CPPED1: variants seen among roughly 807,000 people sequenced by gnomAD.
CPPED1 encodes the protein serine/threonine-protein phosphatase CPPED1.
In CPPED1, 28 loss-of-function variants were observed where a neutral mutation model predicts 28.0. The ratio of observed to expected loss-of-function variants is 1.00; its 90% confidence interval spans 0.74 to 1.37. CPPED1 has a LOEUF of 1.37. Among genes scored for constraint, CPPED1 ranks in the 40% most tolerant of loss-of-function variants. The pLI, the probability that CPPED1 is intolerant of heterozygous loss-of-function variation, is 0.00. For synonymous variants in CPPED1, 198 were observed against 180.2 expected (o/e 1.10, Z -0.79); for missense variants, 504 against 416.5 (o/e 1.21, Z -1.83).
At chr16:12,790,659 G>A (rs1023485715) in intron 1 of CPPED1, among the ~76,000 whole-genome samples, 3 of 152,082 alleles carry the variant, frequency 2.0e-5, no homozygotes, top group African/African-American at 4.8e-5. Flanking sequence ...GGTGGCTCAC[G>A]CCTGTAATCC....
chr16:12,688,009 G>C (rs1048281107), intron 3 of CPPED1, among the ~76,000 whole-genome samples: 2 of 151,800 alleles, frequency 1.3e-5, no homozygotes, highest in African/African-American at 4.8e-5. Context: ...CACAAGGCCA[G>C]CAGGTGCCAC....
At chr16:12,797,538 G>A (rs1226614817) in intron 1 of CPPED1, among the ~76,000 whole-genome samples, 1 of 152,064 alleles carries the variant, frequency 6.6e-6, no homozygotes, top group Non-Finnish European at 1.5e-5. Context: ...ATAGGTGACA[G>A]AGTAAGACCC....
intron 2 of CPPED1, among the ~76,000 whole-genome samples, chr16:12,764,711 C>T (rs1235145075): frequency 1.3e-5 from 2 of 152,210 alleles, no homozygotes; most frequent in Non-Finnish European, 2.9e-5. Flanking sequence ...ACGGAGCCTT[C>T]TCTAACTCAA....
intron 2 of CPPED1, among the ~76,000 whole-genome samples, chr16:12,761,955 C>T (rs1567299895): frequency 6.6e-6 from 1 of 151,102 alleles, no homozygotes; most frequent in African/African-American, 2.4e-5. Flanking sequence ...GTGGAGGTTG[C>T]AGTGAGCTGA....
At chr16:12,796,233 C>A (rs9927772) in intron 1 of CPPED1, among the ~76,000 whole-genome samples, 39,297 of 151,864 alleles carry the variant, frequency 0.26, 6,525 homozygotes, top group African/African-American at 0.47. Context: ...GTGGCTCATG[C>A]CTGTAATCCC....
Position 12,665,002 on chromosome 16 carries a change from C to G in CPPED1, c.829G>C (p.Gly277Arg). ...IGCQLGRDPH[G>R]LRVVVVTAEK... ...GCGGTGACCACCACGACTCGGAGCC[C>G]GTGGGGGTCTCTGCCCAGCTGGCAT... Residue 277 changes from glycine (G) to arginine (R), a missense_variant, in exon 4 of 4, where the codon GGG becomes CGG. Physicochemically the swap from Gly to Arg is moderately radical, Grantham distance 125. Transcript: ENST00000381774. 1 of 1,611,200 alleles carries G rather than the reference C, an allele frequency of 6.2e-7. No individual in the cohort carries two copies. The highest frequency in any genetic ancestry group is 8.5e-7 in the Non-Finnish European group (1 of 1,179,036).
intron 3 of CPPED1, among the ~76,000 whole-genome samples, chr16:12,675,068 T>C (rs1345069239): frequency 6.6e-6 from 1 of 152,206 alleles, no homozygotes; most frequent in East Asian, 1.9e-4. Context: ...CAAGGACCTA[T>C]AAGAAGTTTT....
intron 3 of CPPED1, among the ~76,000 whole-genome samples, chr16:12,702,999 C>T (rs190981383): frequency 4.8e-5 from 6 of 124,956 alleles, no homozygotes; most frequent in Admixed American, 9.4e-5. Context: ...GTGACAAGAG[C>T]GGGACTCCGT....
chr16:12,774,112 G>C (rs1482157523), intron 2 of CPPED1, among the ~76,000 whole-genome samples: 1 of 152,180 alleles, frequency 6.6e-6, no homozygotes, highest in East Asian at 1.9e-4. Context: ...ATCAGAAGCA[G>C]TTGAGGGACC....
At chr16:12,717,499 C>G (rs1028999586) in intron 2 of CPPED1, among the ~76,000 whole-genome samples, 3 of 152,128 alleles carry the variant, frequency 2.0e-5, no homozygotes, top group African/African-American at 7.2e-5. Flanking sequence ...CTCCTGACCT[C>G]GTGACCTGCC....
intron 2 of CPPED1, among the ~76,000 whole-genome samples, chr16:12,762,264 C>T (rs1051074559): frequency 3.9e-5 from 6 of 152,174 alleles, no homozygotes; most frequent in Non-Finnish European, 5.9e-5. Context: ...AAGAGGGTAA[C>T]GCCACGGAGA....
chr16:12,666,956 G>A (rs1044997660), intron 3 of CPPED1, among the ~76,000 whole-genome samples: 1 of 151,880 alleles, frequency 6.6e-6, no homozygotes, highest in African/African-American at 2.4e-5. Flanking sequence ...GAGAGTCTAG[G>A]AAGGAAGGAG....
intron 3 of CPPED1, among the ~76,000 whole-genome samples, chr16:12,699,449 G>A (rs1351509420): frequency 1.3e-5 from 2 of 152,040 alleles, no homozygotes; most frequent in Non-Finnish European, 2.9e-5. Flanking sequence ...TCCACTCCCG[G>A]TGGTCCACTG....
At chr16:12,714,301 G>C (rs888128114) in intron 2 of CPPED1, among the ~76,000 whole-genome samples, 5 of 152,130 alleles carry the variant, frequency 3.3e-5, no homozygotes, top group African/African-American at 1.2e-4. Context: ...TCTCTCTTGA[G>C]TGTATACCTA....
rs1239107042 is a variant in CPPED1, at chr16:12,795,453, C to T, written c.70+8254G>A. Reference sequence around the variant, plus strand: ...CTCCCAGGCGCATGCAGTTCTCCTGCCTCAGCCTCCAGAGTAGCTAGGATT... The same window carrying T: ...CTCCCAGGCGCATGCAGTTCTCCTGTCTCAGCCTCCAGAGTAGCTAGGATT... On this transcript the variant is annotated intron_variant, in intron 1 of 3. Transcript: ENST00000381774. 2.6e-5 allele frequency among the ~76,000 whole-genome samples: 4 copies of T among 152,204 alleles called. No individual in the cohort carries two copies. The South Asian group carries it at 8.3e-4, about 31-fold the overall frequency.
At chr16:12,757,822 G>C (rs2080381263) in intron 2 of CPPED1, 1 of 150,590 alleles carries the variant, frequency 6.6e-6, no homozygotes, top group Non-Finnish European at 1.5e-5. Context: ...GGAGACGGTG[G>C]GGTGTCAGAT....
At chr16:12,775,899 C>T (rs527702731) in intron 2 of CPPED1, among the ~76,000 whole-genome samples, 2 of 152,184 alleles carry the variant, frequency 1.3e-5, no homozygotes, top group South Asian at 4.1e-4. Context: ...TAACACAGTT[C>T]CTGGCAGATA....
intron 2 of CPPED1, among the ~76,000 whole-genome samples, chr16:12,733,116 C>G (rs928379460): frequency 6.6e-6 from 1 of 152,144 alleles, no homozygotes; most frequent in African/African-American, 2.4e-5. Context: ...AATTAGCACT[C>G]TTCAAAAACT....
intron 3 of CPPED1, among the ~76,000 whole-genome samples, chr16:12,680,808 T>TA (rs1455140534): frequency 2.0e-5 from 3 of 152,146 alleles, no homozygotes; most frequent in Non-Finnish European, 2.9e-5. Context: ...CTGTGATGGG[T>TA]CCACGTGCTC....
Sources: allele counts gnomAD v4.1 joint callset (sites outside exome capture counted in the v4.1 genomes callset), GRCh38; gene constraint gnomAD v4.1.1; transcripts MANE v1.5; gene names NCBI Gene and HGNC (gene_info 2026-07-23, HGNC 2026-07-21).